AVEN: variants seen among roughly 807,000 people sequenced by gnomAD.
The protein encoded by AVEN is apoptosis and caspase activation inhibitor.
Under a neutral mutation model 38.1 loss-of-function variants are expected in AVEN, and 41 were observed. The ratio of observed to expected loss-of-function variants is 1.08; its 90% CI spans 0.84 to 1.40. AVEN has a LOEUF of 1.40. AVEN is among the 40% of genes most tolerant of loss of function. The pLI is 0.00. For synonymous variants in AVEN, 206 were observed against 171.8 expected (o/e 1.20, Z -1.56); for missense variants, 605 against 438.8 (o/e 1.38, Z -3.38).
intron 11 of AVEN, among the ~76,000 whole-genome samples, chr15:33,860,231 G>C (rs1277024481): frequency 6.6e-6 from 1 of 152,224 alleles, no homozygotes; most frequent in Non-Finnish European, 1.5e-5. Flanking sequence ...TGAAGTAACT[G>C]AGGAGGAACC....
exon 12 of AVEN, chr15:33,858,829 G>C (rs1172059239): frequency 6.6e-6 from 1 of 152,240 alleles, no homozygotes; most frequent in Non-Finnish European, 1.5e-5. Flanking sequence ...AGGGGACAGT[G>C]AAATGCCCAG....
At chr15:33,889,661 A>G (rs1891852166) in intron 2 of AVEN, among the ~76,000 whole-genome samples, 1 of 152,244 alleles carries the variant, frequency 6.6e-6, no homozygotes, top group Non-Finnish European at 1.5e-5. Flanking sequence ...TTAGTTTTGA[A>G]AAACAGTATT....
chr15:34,039,026 A>AGCTCCTC lies in AVEN; in HGVS notation c.14_20dup (p.Gly9SerfsTer85), dbSNP rs1414262154. 8.9e-7 allele frequency: 1 copy of AGCTCCTC among 1,121,188 alleles called. No homozygotes were observed. The highest frequency in any genetic ancestry group is 1.1e-6 in the Non-Finnish European group (1 of 919,120). 69.5% of individuals were successfully genotyped at this position (1,121,188 alleles called of 1,614,324 possible). On this transcript the variant is annotated frameshift_variant, in exon 1 of 6. Coordinates refer to ENST00000306730, the MANE Select transcript of AVEN (RefSeq NM_020371.3). LOFTEE classifies it high-confidence loss of function. ...CTGGCCGCCGCCCACGGCCTCCCCGAGCTCCTCGCTCCGCCTGCATCTGGC... is the reference window on the plus strand; with the variant it reads ...CTGGCCGCCGCCCACGGCCTCCCCGAGCTCCTCGCTCCTCGCTCCGCCTGCATCTGGC...
intron 2 of AVEN, among the ~76,000 whole-genome samples, chr15:33,917,637 A>G (rs572400992): frequency 1.3e-5 from 2 of 152,104 alleles, no homozygotes; most frequent in East Asian, 3.9e-4. Context: ...CACACACACC[A>G]TGGAATACTA....
chr15:34,007,627 C>G lies in AVEN; in HGVS notation c.268-4418G>C, dbSNP rs141976604. Among the ~76,000 whole-genome samples the G allele has an allele frequency of 2.4e-3, 367 of 152,298 alleles. 2 individuals carry two copies. The highest frequency in any genetic ancestry group is 8.3e-3 in the African/African-American group (346 of 41,574). ...TCACTACACAATTCCAAAGCCACTT[C>G]CACACTTTTAGGTATTGGTTAGAGC... On this transcript the variant is annotated intron_variant, in intron 1 of 5. Transcript: ENST00000306730.
At chr15:34,030,247 G>A (rs1482151347) in intron 1 of AVEN, among the ~76,000 whole-genome samples, 2 of 152,088 alleles carry the variant, frequency 1.3e-5, no homozygotes, top group Non-Finnish European at 2.9e-5. Context: ...GAGTGAGTGA[G>A]ACTTCATCTC....
chr15:33,884,618 A>T (rs16958211), intron 2 of AVEN, among the ~76,000 whole-genome samples: 4,586 of 152,244 alleles, frequency 0.03, 231 homozygotes, highest in African/African-American at 0.1. Context: ...CAAAAAGCTT[A>T]CCATCTAGTC....
chr15:33,862,888 A>T (rs771606353), downstream of AVEN, among the ~76,000 whole-genome samples: 1 of 152,232 alleles, frequency 6.6e-6, no homozygotes, highest in Non-Finnish European at 1.5e-5. Context: ...AAGTGCTGGA[A>T]TTAGAGGCGT....
intron 11 of AVEN, chr15:33,859,749 G>A: frequency 1.3e-6 from 2 of 1,596,720 alleles, no homozygotes; most frequent in Non-Finnish European, 1.7e-6. Context: ...TGCCAATTGT[G>A]TTGAGTATGA....
chr15:33,940,126 A>C (rs1356711548), intron 2 of AVEN, among the ~76,000 whole-genome samples: 2 of 152,190 alleles, frequency 1.3e-5, no homozygotes, highest in Non-Finnish European at 2.9e-5. Context: ...TATGAGAAAT[A>C]AATTTTGTCA....
chr15:33,941,974 C>T (rs529283570), intron 2 of AVEN, among the ~76,000 whole-genome samples: 1 of 152,276 alleles, frequency 6.6e-6, no homozygotes, highest in African/African-American at 2.4e-5. Context: ...AAATTACAAA[C>T]AACAAAAACA....
chr15:33,961,247 T>G (rs1895147850), intron 2 of AVEN, among the ~76,000 whole-genome samples: 1 of 152,132 alleles, frequency 6.6e-6, no homozygotes, highest in African/African-American at 2.4e-5. Flanking sequence ...GCAATTCTCC[T>G]GCCTCAGCCT....
chr15:33,925,730 ACT>A (rs1392648040), intron 2 of AVEN, among the ~76,000 whole-genome samples: 1 of 152,162 alleles, frequency 6.6e-6, no homozygotes, highest in African/African-American at 2.4e-5. Context: ...ATATGCTGAT[ACT>A]CTCTTTAGTG....
intron 5 of AVEN, among the ~76,000 whole-genome samples, chr15:34,048,120 C>T (rs144545989): frequency 1.3e-5 from 2 of 152,338 alleles, no homozygotes; most frequent in Non-Finnish European, 2.9e-5. Flanking sequence ...AAGCAATCCA[C>T]TTGCCTCGGC....
At chr15:33,953,319 C>G (rs897013960) in intron 2 of AVEN, among the ~76,000 whole-genome samples, 1 of 152,046 alleles carries the variant, frequency 6.6e-6, no homozygotes, top group African/African-American at 2.4e-5. Context: ...AAAAAAGAGC[C>G]CACATTGCCA....
At chr15:33,933,518 CACACACAGAGAGAGAGAGAG>C (rs1398466337) in intron 2 of AVEN, among the ~76,000 whole-genome samples, 258 of 114,732 alleles carry the variant, frequency 2.2e-3, no homozygotes, top group African/African-American at 6.6e-3. Flanking sequence ...CACACACACA[CACACACAGAGAGAGAGAGAG>C]AGAGAGAGAG....
intron 1 of AVEN, among the ~76,000 whole-genome samples, chr15:34,015,342 GT>G (rs1229004568): frequency 2.6e-5 from 4 of 152,028 alleles, no homozygotes; most frequent in Non-Finnish European, 4.4e-5. Context: ...AATTAGCCAG[GT>G]GCGGTGGCGG....
chr15:33,997,404 T>C (rs1451660648), intron 2 of AVEN, among the ~76,000 whole-genome samples: 2 of 152,160 alleles, frequency 1.3e-5, no homozygotes, highest in African/African-American at 4.8e-5. Context: ...AATACAAAGA[T>C]GTTCAACCTC....
At chr15:33,882,554 A>C (rs1479007784) in intron 2 of AVEN, among the ~76,000 whole-genome samples, 2 of 66,532 alleles carry the variant, frequency 3.0e-5, no homozygotes, top group East Asian at 4.5e-4. Context: ...TGAAGAAGCA[A>C]AAATGTTAAA....
Sources: gnomAD v4.1 joint callset for allele counts (sites outside exome capture counted in the v4.1 genomes callset) on GRCh38, gnomAD v4.1.1 for gene constraint, MANE v1.5 for transcripts, NCBI Gene and HGNC (gene_info 2026-07-23, HGNC 2026-07-21) for gene names.